The following ETV6 variants were observed in gnomAD, a reference collection of about 807,000 sequenced individuals.
ETV6 encodes the protein transcription factor ETV6.
ETV6 carries 16 observed loss-of-function variants against 51.1 expected under a neutral mutation model. That is an observed-to-expected ratio of 0.31 (90% CI 0.21 to 0.48). ETV6 has a LOEUF of 0.48. Among genes scored for constraint, ETV6 ranks in the 20% least tolerant of loss-of-function variants. The pLI, the probability that ETV6 is intolerant of heterozygous loss-of-function variation, is 0.99. For synonymous variants in ETV6, 240 were observed against 224.1 expected, an observed-to-expected ratio of 1.07 and a Z score of -0.64; for missense variants, 458 against 594.8, an observed-to-expected ratio of 0.77 and a Z score of 2.39.
Position 11,894,134 on chromosome 12 carries a change from G to T in ETV6, c.*3088G>T. On this transcript the variant is annotated 3_prime_UTR_variant, in exon 8 of 8. Transcript: ENST00000396373. ...CCTGCTGGACACTGAGGGACCCAAA[G>T]CTCAATCAGCCATAATCCCTGCTTT... 1 of 230,984 alleles carries T rather than the reference G, an allele frequency of 4.3e-6. No individual in the cohort carries two copies. The highest frequency in any genetic ancestry group is 6.1e-5 in the East Asian group (1 of 16,300). 14.3% of individuals were successfully genotyped at this position (230,984 alleles called of 1,614,324 possible).
chr12:11,889,762 C>G (rs1947258698), intron 7 of ETV6, among the ~76,000 whole-genome samples: 1 of 152,150 alleles, frequency 6.6e-6, no homozygotes, highest in Non-Finnish European at 1.5e-5. Flanking sequence ...ACCCGATGAG[C>G]AGAGCAAAGG....
At chr12:11,835,792 A>G (rs566100048) in intron 2 of ETV6, among the ~76,000 whole-genome samples, 93 of 152,300 alleles carry the variant, frequency 6.1e-4, no homozygotes, top group African/African-American at 2.1e-3. Flanking sequence ...ACCAGTCTCA[A>G]TTCTGGATCT....
chr12:11,748,619 T>A (rs1039557144), intron 1 of ETV6, among the ~76,000 whole-genome samples: 2 of 152,182 alleles, frequency 1.3e-5, no homozygotes, highest in African/African-American at 2.4e-5. Flanking sequence ...GGTAATAATA[T>A]TCATTTTTTG....
At chr12:11,865,642 G>T (rs1312118690) in intron 4 of ETV6, among the ~76,000 whole-genome samples, 1 of 147,476 alleles carries the variant, frequency 6.8e-6, no homozygotes, top group African/African-American at 2.5e-5. Context: ...TACTTATATA[G>T]TATTAGTATA....
At chr12:11,702,856 A>G (rs911030069) in intron 1 of ETV6, among the ~76,000 whole-genome samples, 3 of 152,218 alleles carry the variant, frequency 2.0e-5, no homozygotes, top group African/African-American at 7.2e-5. Context: ...CTGTAATCCC[A>G]ACAATTTTGG....
At chr12:11,652,709 T>G (rs770066912) in intron 1 of ETV6, among the ~76,000 whole-genome samples, 2 of 152,184 alleles carry the variant, frequency 1.3e-5, no homozygotes, top group Non-Finnish European at 2.9e-5. Flanking sequence ...CAGAGGGAAG[T>G]ACTTTGTTTA....
intron 1 of ETV6, among the ~76,000 whole-genome samples, chr12:11,709,429 C>G (rs1359597672): frequency 6.6e-6 from 1 of 152,098 alleles, no homozygotes; most frequent in African/African-American, 2.4e-5. Context: ...GTCTGGAACT[C>G]CTGAGCTCAA....
chr12:11,727,977 G>A (rs959306895), intron 1 of ETV6, among the ~76,000 whole-genome samples: 14 of 152,110 alleles, frequency 9.2e-5, no homozygotes, highest in African/African-American at 2.7e-4. Context: ...GCGCCACCAC[G>A]CCTGGCTAAT....
At chr12:11,751,838 C>A (rs1297103131) in intron 1 of ETV6, 1 of 508,214 alleles carries the variant, frequency 2.0e-6, no homozygotes, top group Admixed American at 2.0e-5. Context: ...TAATTCCTAG[C>A]AATGAAGGAA....
intron 1 of ETV6, among the ~76,000 whole-genome samples, chr12:11,744,158 G>T (rs1591644666): frequency 1.3e-5 from 2 of 152,138 alleles, no homozygotes; most frequent in South Asian, 2.1e-4. Flanking sequence ...TCTCTCATTT[G>T]GGGGGAGATT....
chr12:11,705,767 AT>A (rs1236003467), intron 1 of ETV6, among the ~76,000 whole-genome samples: 7 of 152,240 alleles, frequency 4.6e-5, no homozygotes, highest in African/African-American at 1.7e-4. Context: ...TGAGAAGGCA[AT>A]TGAGACAACC....
chr12:11,670,009 TC>T (rs1364937437), intron 1 of ETV6, among the ~76,000 whole-genome samples: 2 of 152,194 alleles, frequency 1.3e-5, no homozygotes, highest in African/African-American at 4.8e-5. Flanking sequence ...CCAATCACAT[TC>T]CTTCCCAAAA....
rs1055243638 is a variant in ETV6, at chr12:11,839,000, G to A, written c.164-140G>A. 5 of 868,484 alleles carry A rather than the reference G, an allele frequency of 5.8e-6. 1 individual carries two copies. The African/African-American group carries it at 6.8e-5, about 12-fold the overall frequency. The allele number at this position is 868,484 out of a possible 1,614,324, so 53.8% of individuals were successfully genotyped here. On this transcript the variant is annotated intron_variant, in intron 2 of 7. Transcript: ENST00000396373. ...GCGGCTCAAACAAGGGCTGGAGAGG[G>A]GACTCAGAGTTGAACATAAGGGCTC...
chr12:11,753,950 C>T (rs575080358), intron 2 of ETV6, among the ~76,000 whole-genome samples: 2 of 152,154 alleles, frequency 1.3e-5, no homozygotes, highest in East Asian at 1.9e-4. Flanking sequence ...TAAGGAGGTT[C>T]GAACTGTAAA....
intron 1 of ETV6, among the ~76,000 whole-genome samples, chr12:11,707,014 G>A (rs1224601870): frequency 6.6e-6 from 1 of 152,202 alleles, no homozygotes; most frequent in East Asian, 1.9e-4. Context: ...TTCCCAGGGG[G>A]TGGTTGTGGC....
chr12:11,883,574 C>T (rs1018320083), intron 5 of ETV6, among the ~76,000 whole-genome samples: 13 of 152,160 alleles, frequency 8.5e-5, no homozygotes, highest in Non-Finnish European at 1.2e-4. Flanking sequence ...GGATTACAGG[C>T]GTGAGCCACC....
Position 11,893,138 on chromosome 12 carries a change from C to A in ETV6, c.*2092C>A, listed in dbSNP as rs1235067194. On this transcript the variant is annotated 3_prime_UTR_variant, in exon 8 of 8. Transcript: ENST00000396373. Reference sequence around the variant, plus strand: ...AGGACATGGTGATCCCTATTTCAGCCTCTAAGATGACTGGTATTCTATCTG... The same window carrying A: ...AGGACATGGTGATCCCTATTTCAGCATCTAAGATGACTGGTATTCTATCTG... 4.3e-6 allele frequency: 1 copy of A among 232,748 alleles called. No homozygotes were observed. The allele number at this position is 232,748 out of a possible 1,614,324, so 14.4% of individuals were successfully genotyped here.
At chr12:11,808,691 A>G (rs1355593719) in intron 2 of ETV6, among the ~76,000 whole-genome samples, 2 of 152,218 alleles carry the variant, frequency 1.3e-5, no homozygotes, top group African/African-American at 4.8e-5. Flanking sequence ...ATGCAGAGGA[A>G]TGACTGTACT....
chr12:11,735,366 G>A (rs934928090), intron 1 of ETV6, among the ~76,000 whole-genome samples: 1 of 152,186 alleles, frequency 6.6e-6, no homozygotes, highest in African/African-American at 2.4e-5. Flanking sequence ...GATTAGTGGT[G>A]AGATCAGTGG....
Sources: allele counts gnomAD v4.1 joint callset (sites outside exome capture counted in the v4.1 genomes callset), GRCh38; gene constraint gnomAD v4.1.1; transcripts MANE v1.5; gene names NCBI Gene and HGNC (gene_info 2026-07-23, HGNC 2026-07-21).